WDR25: variants seen among roughly 807,000 people sequenced by gnomAD.
WDR25 encodes WD repeat domain 25, also known as WD repeat-containing protein 25.
A neutral mutation model predicts 47.7 loss-of-function variants in WDR25; 35 were observed. That is an observed-to-expected ratio of 0.73 (90% confidence interval 0.56 to 0.97). The LOEUF is 0.97. WDR25 is among the 50% of genes least tolerant of loss of function. The pLI, the probability that WDR25 is intolerant of heterozygous loss-of-function variation, is 0.00. For missense variants in WDR25, 634 were observed against 704.7 expected, an observed-to-expected ratio of 0.90 and a Z score of 1.14; for synonymous variants, 248 against 278.9, an observed-to-expected ratio of 0.89 and a Z score of 1.10.
chr14:100,459,894 GTATATATA>G lies in WDR25; in HGVS notation c.823-8088_823-8081del, dbSNP rs61706956. ...TATATATCCGTATATGTGTGTGTGT[GTATATATA>G]TATATATATATATATATATATATAT... On this transcript the variant is annotated intron_variant, in intron 2 of 6. Transcript: ENST00000402312. Among the ~76,000 whole-genome samples the G allele has an allele frequency of 8.6e-3, 669 of 78,224 alleles. 6 individuals carry two copies. Among genetic ancestry groups the G allele is most frequent in the East Asian group, 0.015 (52 of 3,356 alleles). The allele number at this position is 78,224 out of a possible 152,430, so 51.3% of individuals were successfully genotyped here.
Position 100,484,097 on chromosome 14 carries a change from G to A in WDR25, c.1074G>A (p.Met358Ile). ...IFLCGGFSSEMKAWDIRTGKV... is the reference protein window; with the variant it reads ...IFLCGGFSSEIKAWDIRTGKV... The stretch of plus-strand genomic sequence containing the variant: ...TATGTGGAGGCTTCAGCTCTGAAAT[G>A]AAAGCTTGGGATATAAGGACTGGCA... Residue 358 changes from methionine to isoleucine, a missense_variant, in exon 4 of 7, where the codon ATG (methionine) becomes ATA (isoleucine). By Grantham distance (10) the Met-to-Ile change is conservative (BLOSUM62 1). Transcript: ENST00000402312. 1 of 1,613,762 alleles carries A rather than the reference G, an allele frequency of 6.2e-7. No individual in the cohort carries two copies. Among genetic ancestry groups the A allele is most frequent in the Non-Finnish European group, 8.5e-7 (1 of 1,179,920 alleles).
chr14:100,436,927 G>A (rs1028140656), intron 2 of WDR25, among the ~76,000 whole-genome samples: 5 of 152,222 alleles, frequency 3.3e-5, no homozygotes, highest in Non-Finnish European at 7.3e-5. Context: ...CACAGCATAT[G>A]CTGAGCCATC....
intron 3 of WDR25, among the ~76,000 whole-genome samples, chr14:100,472,852 C>T (rs1454370175): frequency 6.6e-6 from 1 of 152,224 alleles, no homozygotes; most frequent in African/African-American, 2.4e-5. Context: ...TCTCCAGAGC[C>T]CCAGGCACTC....
At chr14:100,436,945 C>T (rs1213387730) in intron 2 of WDR25, among the ~76,000 whole-genome samples, 3 of 152,192 alleles carry the variant, frequency 2.0e-5, no homozygotes, top group African/African-American at 7.2e-5. Flanking sequence ...ATCTGTTCTG[C>T]CTTTTTGTTT....
At chr14:100,510,301 G>C (rs1901263783) in intron 4 of WDR25, among the ~76,000 whole-genome samples, 1 of 151,674 alleles carries the variant, frequency 6.6e-6, no homozygotes, top group Admixed American at 6.6e-5. Context: ...TTAGAGACAA[G>C]GGTTTCACTG....
chr14:100,456,157 A>T (rs1015098409), intron 2 of WDR25, among the ~76,000 whole-genome samples: 1 of 152,180 alleles, frequency 6.6e-6, no homozygotes, highest in East Asian at 1.9e-4. Context: ...CAGGAGTTCA[A>T]GACCAGTCTG....
chr14:100,426,013 G>A (rs569734720), intron 2 of WDR25, among the ~76,000 whole-genome samples: 4 of 152,308 alleles, frequency 2.6e-5, no homozygotes, highest in East Asian at 1.9e-4. Flanking sequence ...TCCGCACGCC[G>A]TCATCGTGAA....
At chr14:100,461,927 G>T (rs1259587109) in intron 2 of WDR25, among the ~76,000 whole-genome samples, 3 of 144,038 alleles carry the variant, frequency 2.1e-5, no homozygotes, top group African/African-American at 7.6e-5. Flanking sequence ...TGTTTTGTTT[G>T]TTTTTTTTTT....
intron 4 of WDR25, among the ~76,000 whole-genome samples, chr14:100,505,478 G>A (rs1053516188): frequency 2.0e-5 from 3 of 152,050 alleles, no homozygotes; most frequent in African/African-American, 4.8e-5. Context: ...TACTCTTTTG[G>A]TTACTGTAGC....
chr14:100,513,334 G>A (rs1232213192), intron 4 of WDR25, among the ~76,000 whole-genome samples: 1 of 152,134 alleles, frequency 6.6e-6, no homozygotes, highest in Non-Finnish European at 1.5e-5. Context: ...AACAAGGTGG[G>A]CCCTTTTTTA....
chr14:100,427,774 C>T (rs1898211801), intron 2 of WDR25, among the ~76,000 whole-genome samples: 5 of 152,232 alleles, frequency 3.3e-5, no homozygotes, highest in Admixed American at 6.5e-5. Flanking sequence ...GGTTGATGGG[C>T]ACCTTTGCCA....
intron 4 of WDR25, among the ~76,000 whole-genome samples, chr14:100,497,461 T>C (rs186340222): frequency 5.6e-4 from 85 of 151,818 alleles, no homozygotes; most frequent in Admixed American, 1.5e-3. Flanking sequence ...TTAGAAAAAA[T>C]AAGAAAAAAG....
At chr14:100,472,138 G>A (rs938028800) in intron 3 of WDR25, among the ~76,000 whole-genome samples, 3 of 152,256 alleles carry the variant, frequency 2.0e-5, no homozygotes, top group African/African-American at 7.2e-5. Flanking sequence ...GGCTGCAGCT[G>A]TAGAGGCATG....
At chr14:100,431,111 A>G (rs534827303) in intron 2 of WDR25, among the ~76,000 whole-genome samples, 5 of 152,314 alleles carry the variant, frequency 3.3e-5, no homozygotes, top group African/African-American at 1.2e-4. Flanking sequence ...TTTATTATGA[A>G]GTGTGTTCTT....
intron 4 of WDR25, among the ~76,000 whole-genome samples, chr14:100,509,850 G>T (rs1200993246): frequency 1.3e-5 from 2 of 151,912 alleles, no homozygotes; most frequent in Non-Finnish European, 2.9e-5. Context: ...TCAAATTTCT[G>T]CAGCATTTGT....
chr14:100,526,050 C>T lies in WDR25; in HGVS notation c.1272+10C>T, dbSNP rs2030116855. ...CAACCAGATTTTCCACGTAAGAAAT[C>T]CCATTTGGCATTGCTGTCAGTTTCA... On this transcript the variant is annotated intron_variant, in intron 5 of 6. Transcript: ENST00000402312. 6.2e-7 allele frequency: 1 copy of T among 1,613,770 alleles called. No individual in the cohort carries two copies. The highest frequency in any genetic ancestry group is 1.3e-5 in the African/African-American group (1 of 74,926).
intron 4 of WDR25, among the ~76,000 whole-genome samples, chr14:100,514,179 G>A (rs1002979113): frequency 6.7e-6 from 1 of 149,344 alleles, no homozygotes; most frequent in Non-Finnish European, 1.5e-5. Flanking sequence ...CTCGTGATCC[G>A]CCCGCCTCGG....
intron 2 of WDR25, among the ~76,000 whole-genome samples, chr14:100,448,189 G>A (rs1222575237): frequency 7.3e-5 from 6 of 82,742 alleles, no homozygotes; most frequent in South Asian, 4.7e-4. Flanking sequence ...GCAAAACTCC[G>A]TCTCAAAAAA....
chr14:100,530,275 T>G lies in WDR25; in HGVS notation c.*234T>G. 1.8e-6 allele frequency: 1 copy of G among 554,390 alleles called. No individual in the cohort carries two copies. Among genetic ancestry groups the G allele is most frequent in the African/African-American group, 1.9e-5 (1 of 52,596 alleles). 34.3% of individuals were successfully genotyped at this position (554,390 alleles called of 1,614,324 possible). On this transcript the variant is annotated 3_prime_UTR_variant, in exon 7 of 7. Transcript: ENST00000402312. ...GCCGGCGATGCCCAATAAATGTGTGTTTTGCTGTTTGTTAAGTGATTTCAG... is the reference window on the plus strand; with the variant it reads ...GCCGGCGATGCCCAATAAATGTGTGGTTTGCTGTTTGTTAAGTGATTTCAG...
Sources: allele counts gnomAD v4.1 joint callset (sites outside exome capture counted in the v4.1 genomes callset), GRCh38; gene constraint gnomAD v4.1.1; transcripts MANE v1.5; gene names NCBI Gene and HGNC (gene_info 2026-07-23, HGNC 2026-07-21).